Variants in PLCG2 observed in about 807,000 individuals in gnomAD.
The protein encoded by PLCG2 is 1-phosphatidylinositol 4,5-bisphosphate phosphodiesterase gamma-2.
Under a neutral mutation model 175.6 loss-of-function variants are expected in PLCG2, and 69 were observed. That is an observed-to-expected ratio of 0.39 (90% confidence interval 0.32 to 0.48). The LOEUF is 0.48. Ranked by LOEUF, PLCG2 falls within the 20% of genes least tolerant of loss-of-function variation. PLCG2 has a pLI of 0.91. For synonymous variants in PLCG2, 827 were observed against 624.0 expected (o/e 1.33, Z -4.85); for missense variants, 1,798 against 1,650.9 (o/e 1.09, Z -1.54).
intron 24 of PLCG2, among the ~76,000 whole-genome samples, chr16:81,930,762 A>G (rs1428178616): frequency 1.3e-5 from 2 of 151,472 alleles, no homozygotes; most frequent in African/African-American, 4.8e-5. Context: ...AAAAAAAAAA[A>G]AGCCATTTAA....
intron 13 of PLCG2, among the ~76,000 whole-genome samples, chr16:81,900,018 A>G (rs1909076389): frequency 6.6e-6 from 1 of 152,244 alleles, no homozygotes; most frequent in Non-Finnish European, 1.5e-5. Context: ...AGAAAAATCA[A>G]CTACAGATAC....
chr16:81,786,018 T>G lies in PLCG2; in HGVS notation c.29T>G (p.Leu10Arg). 1 of 1,614,200 alleles carries G rather than the reference T, an allele frequency of 6.2e-7. No homozygotes were observed. MSTTVNVDS[L>R]AEYEKSQIKR... ...TCCACCACGGTCAATGTAGATTCCC[T>G]TGCGGAATATGAGAAGAGCCAGATC... Residue 10 changes from leucine to arginine, a missense_variant, in exon 2 of 33, where the codon CTT becomes CGT. By Grantham distance (102) the Leu-to-Arg change is moderately radical. Coordinates refer to ENST00000564138, the MANE Select transcript of PLCG2 (RefSeq NM_002661.5).
chr16:81,890,956 A>G (rs1356260516), intron 10 of PLCG2, among the ~76,000 whole-genome samples: 1 of 152,108 alleles, frequency 6.6e-6, no homozygotes, highest in Non-Finnish European at 1.5e-5. Context: ...TGAGGTTAGG[A>G]GTTTGAGACC....
At chr16:81,817,601 G>A (rs945226888) in intron 2 of PLCG2, among the ~76,000 whole-genome samples, 2 of 152,182 alleles carry the variant, frequency 1.3e-5, no homozygotes, top group African/African-American at 2.4e-5. Context: ...TGACAAAGAT[G>A]TATGTAGAAC....
intron 1 of PLCG2, among the ~76,000 whole-genome samples, chr16:81,741,029 G>A (rs915075992): frequency 6.6e-6 from 1 of 152,210 alleles, no homozygotes; most frequent in African/African-American, 2.4e-5. Context: ...CATAGAGCAA[G>A]AGGGGTTCCC....
chr16:81,884,047 C>T lies in PLCG2; in HGVS notation c.765+706C>T, dbSNP rs191619253. ...CATTGCACAGGGCAGCCCCCCCTAC[C>T]CCCCAGCGAAGAAGTATTCAGGGCC... is the stretch of plus-strand genomic sequence containing the variant. On this transcript the variant is annotated intron_variant, in intron 9 of 32. Transcript: ENST00000564138. Among the ~76,000 whole-genome samples the T allele has an allele frequency of 2.4e-4, 36 of 152,292 alleles. No homozygotes were observed. In the East Asian group the frequency reaches 6.8e-3, roughly 29 times the overall value.
In PLCG2 at chr16:81,919,477, G is replaced by A. The variant is rs373933998; in HGVS notation, c.2055-7G>A. On this transcript the variant is annotated splice_polypyrimidine_tract_variant and splice_region_variant and intron_variant, in intron 19 of 32. Transcript: ENST00000564138. ...GGCATGTCAACCCTGTGTTCTTCCT[G>A]CTCCAGGGCTAGGGGCAAGGTAAAG... is the stretch of plus-strand genomic sequence containing the variant. 2.0e-4 allele frequency: 319 copies of A among 1,610,656 alleles called. No individual in the cohort carries two copies. The highest frequency in any genetic ancestry group is 3.5e-4 in the Middle Eastern group (2 of 5,752).
At chr16:81,775,129 C>A (rs1269326946), upstream of PLCG2, among the ~76,000 whole-genome samples, 5 of 152,138 alleles carry the variant, frequency 3.3e-5, no homozygotes, top group Admixed American at 3.3e-4. Context: ...AGTACAGAGG[C>A]TTCAGCACAT....
At chr16:81,768,739 G>C (rs768171839) in intron 2 of PLCG2, among the ~76,000 whole-genome samples, 25 of 151,868 alleles carry the variant, frequency 1.6e-4, no homozygotes, top group Non-Finnish European at 2.9e-4. Context: ...GAAATTTTTT[G>C]TATTTTTAGT....
chr16:81,917,048 C>T (rs1388607657), intron 19 of PLCG2, among the ~76,000 whole-genome samples: 1 of 152,142 alleles, frequency 6.6e-6, no homozygotes, highest in Non-Finnish European at 1.5e-5. Context: ...CCCAACACTC[C>T]CTACCTCCCC....
intron 7 of PLCG2, 39 bp from the exon 8 acceptor site, chr16:81,880,871 G>T: frequency 6.2e-7 from 1 of 1,607,560 alleles, no homozygotes; most frequent in Admixed American, 1.7e-5. Context: ...TAAGTGACTT[G>T]TCTAAGGTTC....
chr16:81,938,929 C>G lies in PLCG2; in HGVS notation c.3313+14C>G, dbSNP rs747317331. On this transcript the variant is annotated intron_variant, in intron 29 of 32. Coordinates refer to ENST00000564138, the MANE Select transcript of PLCG2 (RefSeq NM_002661.5). ...CGACGGTTGTGAGTAAGTCAGTCAC[C>G]TTGGCCCCTCTGCTTTTAAACGTCC... 24 of 1,463,650 alleles carry G rather than the reference C, an allele frequency of 1.6e-5. No individual in the cohort carries two copies. Among genetic ancestry groups the G allele is most frequent in the Non-Finnish European group, 2.3e-5 (24 of 1,045,290 alleles). The allele number at this position is 1,463,650 out of a possible 1,614,324, so 90.7% of individuals were successfully genotyped here. A position where few individuals can be genotyped will look rare whatever the true frequency, so the allele number is the denominator to read the frequency against.
chr16:81,791,558 C>T (rs191844142), intron 2 of PLCG2, among the ~76,000 whole-genome samples: 2 of 152,094 alleles, frequency 1.3e-5, no homozygotes, highest in African/African-American at 2.4e-5. Flanking sequence ...CTGAGCTTAG[C>T]TGGGATTATT....
chr16:81,955,558 G>A (rs2143777466), intron 31 of PLCG2, among the ~76,000 whole-genome samples: 1 of 152,322 alleles, frequency 6.6e-6, no homozygotes, highest in East Asian at 1.9e-4. Flanking sequence ...TCCTGCAACT[G>A]AAAAGTTTAG....
At position 81,921,049 on chromosome 16, in the gene PLCG2, C is replaced by T. The variant is rs114601418; in HGVS notation, c.2236-149C>T. On this transcript the variant is annotated intron_variant, in intron 20 of 32. Coordinates refer to ENST00000564138, the MANE Select transcript of PLCG2 (RefSeq NM_002661.5). ...CCTTCTTTATAGCTTCTTCCTGTGT[C>T]TACTCATGGGCCAAAAGAAAATTCT... 8.7e-4 allele frequency: 493 copies of T among 565,622 alleles called. 5 individuals are homozygous for T. Among genetic ancestry groups the T allele is most frequent in the African/African-American group, 8.5e-3 (453 of 53,142 alleles). The allele number at this position is 565,622 out of a possible 1,614,324, so 35.0% of individuals were successfully genotyped here. A position where few individuals can be genotyped will look rare whatever the true frequency, so the allele number is the denominator to read the frequency against.
At chr16:81,800,358 C>T (rs1327555214) in intron 2 of PLCG2, among the ~76,000 whole-genome samples, 4 of 152,160 alleles carry the variant, frequency 2.6e-5, no homozygotes, top group African/African-American at 4.8e-5. Context: ...TGATGCTCTC[C>T]TCCATCCTTA....
chr16:81,908,310 C>G (rs1909466902), intron 16 of PLCG2, 106 bp from the exon 17 acceptor site: 4 of 1,054,336 alleles, frequency 3.8e-6, no homozygotes, highest in Non-Finnish European at 5.6e-6. Flanking sequence ...GCTGGCCTCT[C>G]TATGTTATCT....
chr16:81,753,327 T>G (rs886491430), intron 1 of PLCG2, among the ~76,000 whole-genome samples: 6 of 150,574 alleles, frequency 4.0e-5, no homozygotes, highest in African/African-American at 1.5e-4. Flanking sequence ...CAGCATTGTG[T>G]TAAAGTCCTG....
rs1444641051 is a variant in PLCG2, at chr16:81,958,118, G to T, written c.*120G>T. On this transcript the variant is annotated 3_prime_UTR_variant, in exon 33 of 33. Coordinates refer to ENST00000564138, the MANE Select transcript of PLCG2 (RefSeq NM_002661.5). ...TCTGTGACATCTTTTCTTCAAGCCT[G>T]CCATCAAGGACATTTCTTAAGACCC... The T allele has an allele frequency of 4.1e-6, 3 of 737,398 alleles. No individual in the cohort carries two copies. Among genetic ancestry groups the T allele is most frequent in the Non-Finnish European group, 7.3e-6 (3 of 409,000 alleles). The allele number at this position is 737,398 out of a possible 1,614,324, so 45.7% of individuals were successfully genotyped here.
Sources: gnomAD v4.1 joint callset for allele counts (sites outside exome capture counted in the v4.1 genomes callset) on GRCh38, gnomAD v4.1.1 for gene constraint, MANE v1.5 for transcripts, NCBI Gene and HGNC (gene_info 2026-07-23, HGNC 2026-07-21) for gene names.